Variants in DAB1 observed in about 807,000 individuals in gnomAD.
DAB1 encodes the protein disabled homolog 1.
A neutral mutation model predicts 64.6 loss-of-function variants in DAB1; 15 were observed. The ratio of observed to expected loss-of-function variants is 0.23; its 90% CI spans 0.16 to 0.36. The LOEUF is 0.36. Ranked by LOEUF, DAB1 falls within the 10% of genes least tolerant of loss-of-function variation. DAB1 has a pLI of 1.00. For missense variants in DAB1, 596 were observed against 706.7 expected (o/e 0.84, Z 1.78); for synonymous variants, 235 against 251.9 (o/e 0.93, Z 0.64).
chr1:58,509,214 C>A (rs1226800763), intron 2 of DAB1, among the ~76,000 whole-genome samples: 1 of 151,784 alleles, frequency 6.6e-6, no homozygotes, highest in Non-Finnish European at 1.5e-5. Flanking sequence ...CAGAAACTGA[C>A]CCTAATGAAA....
chr1:57,423,410 G>A (rs1319494964), intron 1 of DAB1, among the ~76,000 whole-genome samples: 1 of 152,030 alleles, frequency 6.6e-6, no homozygotes, highest in African/African-American at 2.4e-5. Context: ...TCGGTTTTTC[G>A]AGAGGTCGAA....
intron 6 of DAB1, among the ~76,000 whole-genome samples, chr1:57,783,796 A>G (rs978277067): frequency 1.3e-5 from 2 of 152,174 alleles, no homozygotes; most frequent in Non-Finnish European, 2.9e-5. Context: ...TTACTATTGT[A>G]ATTGTTGTAG....
intron 4 of DAB1, among the ~76,000 whole-genome samples, chr1:58,180,678 G>C (rs1317344952): frequency 2.0e-5 from 3 of 151,960 alleles, no homozygotes; most frequent in Admixed American, 2.0e-4. Flanking sequence ...TTGATGCTTG[G>C]TTTCATTCTT....
intron 4 of DAB1, among the ~76,000 whole-genome samples, chr1:58,200,575 G>A (rs1657941194): frequency 1.3e-5 from 2 of 152,178 alleles, no homozygotes; most frequent in African/African-American, 2.4e-5. Flanking sequence ...AGAATGGTAT[G>A]TGCCTCTACT....
At chr1:58,153,936 C>T (rs969509853) in intron 4 of DAB1, among the ~76,000 whole-genome samples, 4 of 150,834 alleles carry the variant, frequency 2.7e-5, no homozygotes, top group Non-Finnish European at 5.9e-5. Context: ...AACTACTGTA[C>T]CTTGTGTTTA....
intron 4 of DAB1, among the ~76,000 whole-genome samples, chr1:58,192,117 C>T (rs1258205028): frequency 6.6e-6 from 1 of 152,142 alleles, no homozygotes; most frequent in East Asian, 1.9e-4. Flanking sequence ...GTTCCGACTC[C>T]TAAGAATCAA....
chr1:58,367,768 G>A (rs187379053), intron 3 of DAB1, among the ~76,000 whole-genome samples: 34 of 152,214 alleles, frequency 2.2e-4, no homozygotes, highest in Middle Eastern at 6.8e-3. Context: ...ATTTTATGTC[G>A]GTGGAAGTAA....
chr1:57,997,303 C>T (rs1646440400), intron 5 of DAB1, among the ~76,000 whole-genome samples: 1 of 152,182 alleles, frequency 6.6e-6, no homozygotes, highest in African/African-American at 2.4e-5. Flanking sequence ...CTCTCAAGTG[C>T]TGGAAGTGCT....
At chr1:57,392,474 T>C (rs182973395) in intron 1 of DAB1, among the ~76,000 whole-genome samples, 2 of 152,336 alleles carry the variant, frequency 1.3e-5, no homozygotes, top group East Asian at 1.9e-4. Flanking sequence ...TGAGCAGTCA[T>C]GCACTGTGCT....
At chr1:58,121,807 A>G (rs1466178209) in intron 5 of DAB1, among the ~76,000 whole-genome samples, 1 of 152,192 alleles carries the variant, frequency 6.6e-6, no homozygotes, top group Non-Finnish European at 1.5e-5. Context: ...ACATATATAT[A>G]TATTTCAAAA....
At chr1:57,907,527 G>A (rs1462016903) in intron 5 of DAB1, among the ~76,000 whole-genome samples, 2 of 152,186 alleles carry the variant, frequency 1.3e-5, no homozygotes, top group Non-Finnish European at 2.9e-5. Context: ...CTTAAGAACA[G>A]TGATTATATA....
chr1:58,187,874 T>TG (rs1657172256), intron 4 of DAB1, among the ~76,000 whole-genome samples: 1 of 135,720 alleles, frequency 7.4e-6, no homozygotes, highest in Non-Finnish European at 1.6e-5. Context: ...CCACCTGGCC[T>TG]GTTTTTTTTT....
chr1:57,330,468 C>A (rs1676563397), intron 1 of DAB1, among the ~76,000 whole-genome samples: 2 of 152,118 alleles, frequency 1.3e-5, no homozygotes, highest in African/African-American at 4.8e-5. Context: ...TTGGATAACT[C>A]CTTTAATCTT....
At chr1:58,089,037 T>C (rs567775666) in intron 5 of DAB1, among the ~76,000 whole-genome samples, 1 of 152,342 alleles carries the variant, frequency 6.6e-6, no homozygotes, top group Non-Finnish European at 1.5e-5. Flanking sequence ...CGCAGCAAAA[T>C]AGGGCATGGG....
intron 7 of DAB1, among the ~76,000 whole-genome samples, chr1:57,461,037 T>C (rs1686763858): frequency 6.6e-6 from 1 of 152,214 alleles, no homozygotes; most frequent in Non-Finnish European, 1.5e-5. Context: ...TTTATCCTGA[T>C]GCTCTCCTTC....
intron 1 of DAB1, among the ~76,000 whole-genome samples, chr1:57,857,525 C>T (rs1330602988): frequency 6.6e-6 from 1 of 152,084 alleles, no homozygotes; most frequent in African/African-American, 2.4e-5. Context: ...TCATTTTATC[C>T]TTGTAACAAC....
At chr1:57,970,730 T>A (rs1645777138) in intron 5 of DAB1, among the ~76,000 whole-genome samples, 1 of 152,158 alleles carries the variant, frequency 6.6e-6, no homozygotes, top group Non-Finnish European at 1.5e-5. Flanking sequence ...ACAAAGCTCT[T>A]AATCCATAGG....
chr1:57,736,020 T>A (rs914812689), intron 6 of DAB1, among the ~76,000 whole-genome samples: 1 of 152,098 alleles, frequency 6.6e-6, no homozygotes, highest in African/African-American at 2.4e-5. Flanking sequence ...ATGCCACCCA[T>A]CTGTACAGAT....
intron 4 of DAB1, among the ~76,000 whole-genome samples, chr1:58,195,564 T>G (rs935341600): frequency 3.3e-5 from 5 of 152,176 alleles, no homozygotes; most frequent in African/African-American, 1.2e-4. Flanking sequence ...CTGGAGAGAT[T>G]TATCTTCCCT....
Sources: gnomAD v4.1 joint callset for allele counts (sites outside exome capture counted in the v4.1 genomes callset) on GRCh38, gnomAD v4.1.1 for gene constraint, MANE v1.5 for transcripts, NCBI Gene and HGNC (gene_info 2026-07-23, HGNC 2026-07-21) for gene names.